IL34: variants seen among roughly 807,000 people sequenced by gnomAD.
IL34 encodes interleukin-34.
In IL34, 17 loss-of-function variants were observed where a neutral mutation model predicts 25.3. The observed-to-expected ratio is 0.67, with a 90% CI of 0.46 to 1.01. IL34 has a LOEUF of 1.01. Among genes scored for constraint, IL34 ranks in the 50% least tolerant of loss-of-function variants. The pLI, the probability that IL34 is intolerant of heterozygous loss-of-function variation, is 0.00. For missense variants in IL34, 368 were observed against 312.9 expected (o/e 1.18, Z -1.33); for synonymous variants, 174 against 140.9 (o/e 1.23, Z -1.66).
chr16:70,592,678 G>C lies in IL34; in HGVS notation c.-401+12629G>C, dbSNP rs2050769980. On this transcript the variant is annotated intron_variant, in intron 1 of 6. Transcript: ENST00000429149. ...TTTTTTCTTTTTCTTTTTTTGAGAT[G>C]GAGTCTCACTCTGTCGTCCAGGCTG... Among the ~76,000 whole-genome samples the C allele has an allele frequency of 2.0e-5, 3 of 151,864 alleles. No individual in the cohort carries two copies. The South Asian group carries it at 6.2e-4, about 32-fold the overall frequency.
intron 1 of IL34, among the ~76,000 whole-genome samples, chr16:70,636,634 T>G (rs1252178487): frequency 7.2e-6 from 1 of 139,126 alleles, no homozygotes; most frequent in Admixed American, 7.4e-5. Context: ...CACACAAAAT[T>G]AGCTGGGCAT....
intron 1 of IL34, among the ~76,000 whole-genome samples, chr16:70,640,846 TC>T (rs1367996410): frequency 6.6e-6 from 1 of 152,056 alleles, no homozygotes; most frequent in African/African-American, 2.4e-5. Flanking sequence ...TCTCAGTCAA[TC>T]CCCTTCCCCA....
intron 1 of IL34, among the ~76,000 whole-genome samples, chr16:70,580,203 A>C (rs1242391264): frequency 6.6e-6 from 1 of 152,224 alleles, no homozygotes; most frequent in Non-Finnish European, 1.5e-5. Flanking sequence ...AGATGCTCTG[A>C]AGTATGCCTC....
chr16:70,641,503 C>A, intron 1 of IL34, among the ~76,000 whole-genome samples: 1 of 107,152 alleles, frequency 9.3e-6, no homozygotes, highest in East Asian at 2.7e-4. Flanking sequence ...TTCTTTCCCT[C>A]CCTCTCTCCC....
At chr16:70,647,008 T>G (rs1369461878) in intron 1 of IL34, 33 bp downstream of exon 1, 2 of 1,436,992 alleles carry the variant, frequency 1.4e-6, no homozygotes, top group Non-Finnish European at 9.1e-7. Context: ...GGACCTGCAT[T>G]GGGAGGCCTT....
chr16:70,650,088 C>T (rs1038246142), intron 1 of IL34, among the ~76,000 whole-genome samples: 12 of 152,264 alleles, frequency 7.9e-5, no homozygotes, highest in South Asian at 2.1e-4. Context: ...TGTGAGCCTC[C>T]GTGCCCAGCC....
chr16:70,627,389 A>C (rs2051417386), intron 1 of IL34, among the ~76,000 whole-genome samples: 1 of 146,770 alleles, frequency 6.8e-6, no homozygotes, highest in Non-Finnish European at 1.5e-5. Flanking sequence ...ATCCCCAAAC[A>C]CTCACTATCC....
At chr16:70,640,493 G>A (rs1313324541) in intron 1 of IL34, among the ~76,000 whole-genome samples, 4 of 152,076 alleles carry the variant, frequency 2.6e-5, no homozygotes, top group South Asian at 4.2e-4. Context: ...GTGTGGTGGT[G>A]CATGCCTGTA....
At chr16:70,591,494 A>C (rs2050753425) in intron 1 of IL34, among the ~76,000 whole-genome samples, 1 of 151,428 alleles carries the variant, frequency 6.6e-6, no homozygotes, top group Non-Finnish European at 1.5e-5. Flanking sequence ...GCATGAACCC[A>C]GGAGGTCGAG....
rs573279420 is a variant in IL34 at position 70,620,600 on chromosome 16, G to T, written c.-400-25948G>T. ...TTGGGACTGAGGGGACAGGCGGGAG[G>T]GAAAGAAGGAAGATTTGGTACGAGT... is the stretch of plus-strand genomic sequence containing the variant. On this transcript the variant is annotated intron_variant, in intron 1 of 6. Coordinates refer to the IL34 transcript ENST00000429149. 4.0e-3 allele frequency among the ~76,000 whole-genome samples: 613 copies of T among 152,206 alleles called. 1 individual carries two copies. Among genetic ancestry groups the T allele is most frequent in the African/African-American group, 0.014 (577 of 41,524 alleles).
At chr16:70,600,896 G>C (rs2050905141) in intron 1 of IL34, among the ~76,000 whole-genome samples, 1 of 151,886 alleles carries the variant, frequency 6.6e-6, no homozygotes, top group African/African-American at 2.4e-5. Context: ...GGAGAAGTAG[G>C]AGATGCTGGG....
chr16:70,586,974 T>G (rs558428974), intron 1 of IL34, among the ~76,000 whole-genome samples: 2 of 152,124 alleles, frequency 1.3e-5, no homozygotes, highest in African/African-American at 4.8e-5. Flanking sequence ...GCGGGCTCAT[T>G]TGGGGGCTGC....
chr16:70,625,898 C>T (rs1028449958), intron 1 of IL34, among the ~76,000 whole-genome samples: 2 of 152,174 alleles, frequency 1.3e-5, no homozygotes, highest in Non-Finnish European at 2.9e-5. Context: ...GTTTCTTGGG[C>T]TTGTCTGTCT....
At chr16:70,650,455 C>T (rs1472185021) in intron 1 of IL34, among the ~76,000 whole-genome samples, 4 of 152,126 alleles carry the variant, frequency 2.6e-5, no homozygotes, top group Non-Finnish European at 4.4e-5. Context: ...CAGTCCCTGC[C>T]TTGAGGCCAC....
At chr16:70,582,003 A>G (rs561764863) in intron 1 of IL34, among the ~76,000 whole-genome samples, 4 of 152,350 alleles carry the variant, frequency 2.6e-5, no homozygotes, top group East Asian at 1.9e-4. Flanking sequence ...AGCATCTAGC[A>G]TAAGGTCTGG....
At position 70,605,893 on chromosome 16, in the gene IL34, A is replaced by G. The variant is rs541934340; in HGVS notation, c.-401+25844A>G. On this transcript the variant is annotated intron_variant, in intron 1 of 6. Coordinates refer to the IL34 transcript ENST00000429149. The stretch of plus-strand genomic sequence containing the variant: ...CATCATGTTGGCCAGGCTGGTCTCA[A>G]CCTCCTGACCTCAGGTGATCCACCT... Among the ~76,000 whole-genome samples the G allele has an allele frequency of 4.7e-5, 7 of 149,278 alleles. No individual in the cohort carries two copies. In the East Asian group the frequency reaches 1.2e-3, roughly 26 times the overall value.
At chr16:70,633,725 CTG>C (rs1567455110) in intron 1 of IL34, among the ~76,000 whole-genome samples, 1 of 152,168 alleles carries the variant, frequency 6.6e-6, no homozygotes, top group Non-Finnish European at 1.5e-5. Flanking sequence ...CCCATGATCT[CTG>C]TGAAGGCTTG....
At chr16:70,636,032 T>C (rs959070200) in intron 1 of IL34, among the ~76,000 whole-genome samples, 34 of 151,078 alleles carry the variant, frequency 2.3e-4, no homozygotes, top group African/African-American at 7.5e-4. Flanking sequence ...TCTGTATCTT[T>C]TTTTTTTTTT....
chr16:70,604,593 T>G (rs2059852112), intron 1 of IL34, among the ~76,000 whole-genome samples: 1 of 152,232 alleles, frequency 6.6e-6, no homozygotes, highest in Non-Finnish European at 1.5e-5. Flanking sequence ...TTCCCCATTG[T>G]TCTCCACTAG....
Sources: gnomAD v4.1 joint callset for allele counts (sites outside exome capture counted in the v4.1 genomes callset) on GRCh38, gnomAD v4.1.1 for gene constraint, MANE v1.5 for transcripts, NCBI Gene and HGNC (gene_info 2026-07-23, HGNC 2026-07-21) for gene names.